ITPR2: variants seen among roughly 807,000 people sequenced by gnomAD.
ITPR2 encodes the protein inositol 1,4,5-trisphosphate-gated calcium channel ITPR2.
Under a neutral mutation model 317.1 loss-of-function variants are expected in ITPR2, and 207 were observed. The observed-to-expected ratio is 0.65, with a 90% CI of 0.58 to 0.73. The LOEUF is 0.73. Ranked by LOEUF, ITPR2 falls within the 30% of genes least tolerant of loss-of-function variation. ITPR2 has a pLI of 0.00. For synonymous variants in ITPR2, 1,156 were observed against 1,149.1 expected (o/e 1.01, Z -0.12); for missense variants, 2,613 against 3,284.0 (o/e 0.80, Z 4.99).
intron 2 of ITPR2, among the ~76,000 whole-genome samples, chr12:26,735,130 A>AT (rs1489154079): frequency 1.3e-5 from 2 of 152,094 alleles, no homozygotes; most frequent in Non-Finnish European, 2.9e-5. Flanking sequence ...CCTCCTGAGA[A>AT]GCTGGGATTA....
At chr12:26,524,561 A>T (rs928895267) in intron 37 of ITPR2, among the ~76,000 whole-genome samples, 2 of 152,208 alleles carry the variant, frequency 1.3e-5, no homozygotes, top group African/African-American at 4.8e-5. Flanking sequence ...AATACAATAC[A>T]TGCTAAACAA....
At chr12:26,529,724 T>C (rs1943902282) in intron 37 of ITPR2, among the ~76,000 whole-genome samples, 1 of 152,210 alleles carries the variant, frequency 6.6e-6, no homozygotes, top group Non-Finnish European at 1.5e-5. Flanking sequence ...CACTGGAATG[T>C]GAGGATTAAA....
At chr12:26,695,887 T>A (rs1011790944) in intron 9 of ITPR2, among the ~76,000 whole-genome samples, 15 of 152,184 alleles carry the variant, frequency 9.9e-5, no homozygotes, top group African/African-American at 3.4e-4. Context: ...ACTGTTGACA[T>A]CTTTGAAGAA....
At chr12:26,512,978 C>T (rs1356452488) in intron 37 of ITPR2, among the ~76,000 whole-genome samples, 3 of 151,788 alleles carry the variant, frequency 2.0e-5, no homozygotes, top group Non-Finnish European at 1.5e-5. Context: ...CCCACCAACT[C>T]GAGTAGCTGG....
At position 26,682,024 on chromosome 12, in the gene ITPR2, C is replaced by T. The variant is rs1195556694; in HGVS notation, c.1259G>A (p.Cys420Tyr). The T allele has an allele frequency of 1.4e-5, 23 of 1,611,320 alleles. No individual in the cohort carries two copies. Among genetic ancestry groups the T allele is most frequent in the Non-Finnish European group, 2.0e-5 (23 of 1,178,690 alleles). ...ERPVMLKIGTCQTKEDKEAFA... is the reference protein window; with the variant it reads ...ERPVMLKIGTYQTKEDKEAFA... ...CGCTTCTTTATCTTCTTTGGTTTGGCAGGTTCCAATCTGAAATGTTTTTCC... is the reference window on the plus strand; with the variant it reads ...CGCTTCTTTATCTTCTTTGGTTTGGTAGGTTCCAATCTGAAATGTTTTTCC... The change falls in exon 13 of 57, where the codon TGC (cysteine) becomes TAC (tyrosine). Residue 420 changes from cysteine to tyrosine, a missense_variant. By Grantham distance (194) the Cys-to-Tyr change is radical. This residue lies in a region of ITPR2 where 515 missense variants were observed against 789.4 expected (regional missense o/e 0.65). Coordinates refer to ENST00000381340, the MANE Select transcript of ITPR2 (RefSeq NM_002223.4).
intron 55 of ITPR2, among the ~76,000 whole-genome samples, chr12:26,354,735 C>A (rs1938578778): frequency 6.6e-6 from 1 of 152,082 alleles, no homozygotes; most frequent in South Asian, 2.1e-4. Flanking sequence ...ATGGTGGGGT[C>A]TCAGCTCACT....
chr12:26,587,225 C>T (rs1945551395), intron 32 of ITPR2, among the ~76,000 whole-genome samples: 1 of 150,696 alleles, frequency 6.6e-6, no homozygotes, highest in Non-Finnish European at 1.5e-5. Context: ...AGGTATGCAG[C>T]AGTGAACAGA....
At chr12:26,358,559 C>T (rs1938714816) in intron 55 of ITPR2, among the ~76,000 whole-genome samples, 1 of 152,144 alleles carries the variant, frequency 6.6e-6, no homozygotes, top group Non-Finnish European at 1.5e-5. Context: ...ATCCATCATC[C>T]CGGCTGTGTT....
chr12:26,427,880 C>G lies in ITPR2; in HGVS notation c.6945+33G>C, dbSNP rs1348768943. On this transcript the variant is annotated intron_variant, in intron 49 of 56. Coordinates refer to ENST00000381340, the MANE Select transcript of ITPR2 (RefSeq NM_002223.4). ...TATTTCATACACTTTTAAACTAATT[C>G]TGTAACAGTACAAAGCTAAGTAAAG... is the stretch of plus-strand genomic sequence containing the variant. 6 of 1,357,100 alleles carry G rather than the reference C, an allele frequency of 4.4e-6. No individual in the cohort carries two copies. In the African/African-American group the frequency reaches 4.5e-5, roughly 10 times the overall value. 84.1% of individuals were successfully genotyped at this position (1,357,100 alleles called of 1,614,324 possible).
At chr12:26,748,889 C>G (rs187850524) in intron 2 of ITPR2, among the ~76,000 whole-genome samples, 23 of 152,236 alleles carry the variant, frequency 1.5e-4, no homozygotes, top group African/African-American at 4.1e-4. Flanking sequence ...ACCCACAAGA[C>G]AAGTAGCAAC....
intron 42 of ITPR2, 93 bp downstream of exon 42, chr12:26,483,605 A>G: frequency 1.1e-6 from 1 of 909,512 alleles, no homozygotes; most frequent in Non-Finnish European, 1.8e-6. Context: ...ATGTCTGGCA[A>G]AGCAAGAAGA....
intron 2 of ITPR2, among the ~76,000 whole-genome samples, chr12:26,733,190 T>G (rs1169773253): frequency 6.6e-6 from 1 of 151,542 alleles, no homozygotes; most frequent in Non-Finnish European, 1.5e-5. Context: ...GGCGTGTGCC[T>G]GTAATCCCAG....
At chr12:26,761,596 C>A (rs150165968) in intron 2 of ITPR2, among the ~76,000 whole-genome samples, 19 of 152,316 alleles carry the variant, frequency 1.2e-4, no homozygotes, top group African/African-American at 4.6e-4. Context: ...AAGTTTGAGA[C>A]CAGCCTGGGC....
chr12:26,770,584 A>C (rs1175898105), intron 2 of ITPR2, among the ~76,000 whole-genome samples: 2 of 152,196 alleles, frequency 1.3e-5, no homozygotes. Context: ...ATGTATGACA[A>C]GGAGCAAGTT....
intron 35 of ITPR2, among the ~76,000 whole-genome samples, chr12:26,560,824 T>C (rs1422832025): frequency 6.6e-6 from 1 of 152,198 alleles, no homozygotes; most frequent in Non-Finnish European, 1.5e-5. Flanking sequence ...ATCTACATGT[T>C]ACCTCTCATA....
chr12:26,829,780 C>A (rs1951070092), intron 1 of ITPR2, among the ~76,000 whole-genome samples: 1 of 152,218 alleles, frequency 6.6e-6, no homozygotes, highest in African/African-American at 2.4e-5. Context: ...GAGGCATGGT[C>A]ATATCCAACC....
At chr12:26,464,173 G>C (rs930244423) in intron 45 of ITPR2, among the ~76,000 whole-genome samples, 1 of 152,060 alleles carries the variant, frequency 6.6e-6, no homozygotes, top group Admixed American at 6.6e-5. Context: ...ACTGGGGCGT[G>C]GGGGGGAATG....
Position 26,816,937 on chromosome 12 carries a change from T to C in ITPR2, c.92+15753A>G, listed in dbSNP as rs142684813. 3.7e-3 allele frequency among the ~76,000 whole-genome samples: 561 copies of C among 152,022 alleles called. 1 individual carries two copies. Among genetic ancestry groups the C allele is most frequent in the Non-Finnish European group, 5.0e-3 (338 of 67,940 alleles). On this transcript the variant is annotated intron_variant, in intron 1 of 56. Coordinates refer to ENST00000381340, the MANE Select transcript of ITPR2 (RefSeq NM_002223.4). ...ACTATAAAGGTGAAAAAGGTCACTT[T>C]GGGAGGCCAAGGTGGGCGGATCACG...
chr12:26,514,127 G>T (rs1345229088), intron 37 of ITPR2, among the ~76,000 whole-genome samples: 3 of 152,188 alleles, frequency 2.0e-5, no homozygotes, highest in Non-Finnish European at 4.4e-5. Flanking sequence ...AGCTATGGAA[G>T]AAGAGTGAGC....
Sources: allele counts gnomAD v4.1 joint callset (sites outside exome capture counted in the v4.1 genomes callset), GRCh38; gene constraint gnomAD v4.1.1; regional missense constraint gnomAD v4.1.1; transcripts MANE v1.5; gene names NCBI Gene and HGNC (gene_info 2026-07-23, HGNC 2026-07-21).